The following TRABD2B variants were observed in gnomAD, a reference collection of about 807,000 sequenced individuals.
The protein encoded by TRABD2B is metalloprotease TIKI2.
In TRABD2B, 14 loss-of-function variants were observed where a neutral mutation model predicts 40.1. That is an observed-to-expected ratio of 0.35 (90% confidence interval 0.23 to 0.55). The LOEUF (loss-of-function observed/expected upper bound fraction) is 0.55, where lower values mean the gene tolerates loss of function less well. Ranked by LOEUF, TRABD2B falls within the 20% of genes least tolerant of loss-of-function variation. The pLI, the probability that TRABD2B is intolerant of heterozygous loss-of-function variation, is 0.90. For synonymous variants in TRABD2B, 263 were observed against 277.0 expected (o/e 0.95, Z 0.50); for missense variants, 541 against 648.6 (o/e 0.83, Z 1.80).
intron 2 of TRABD2B, among the ~76,000 whole-genome samples, chr1:47,896,866 T>C (rs1424720006): frequency 1.3e-5 from 2 of 152,138 alleles, no homozygotes; most frequent in South Asian, 2.1e-4. Flanking sequence ...CAAGATAGTG[T>C]CAGTAAAAGT....
chr1:47,775,541 A>C, intron 5 of TRABD2B, 102 bp from the exon 6 acceptor site: 1 of 1,169,798 alleles, frequency 8.5e-7, no homozygotes, highest in Non-Finnish European at 1.1e-6. Flanking sequence ...ATGGCAGGAG[A>C]AAGTGCCAGG....
chr1:47,985,121 G>A (rs1164559766), intron 2 of TRABD2B, among the ~76,000 whole-genome samples: 2 of 152,166 alleles, frequency 1.3e-5, no homozygotes, highest in African/African-American at 4.8e-5. Context: ...GAAAACTGAC[G>A]CACAGACAGC....
At chr1:47,909,656 A>G (rs1364061367) in intron 2 of TRABD2B, among the ~76,000 whole-genome samples, 1 of 149,716 alleles carries the variant, frequency 6.7e-6, no homozygotes, top group African/African-American at 2.5e-5. Flanking sequence ...ATGAGAACTC[A>G]CTCATTATCA....
chr1:47,920,966 G>A (rs978971408), intron 2 of TRABD2B, among the ~76,000 whole-genome samples: 14 of 152,176 alleles, frequency 9.2e-5, no homozygotes, highest in Admixed American at 3.3e-4. Context: ...GGACTATAGT[G>A]TTCCTTCTGC....
intron 2 of TRABD2B, among the ~76,000 whole-genome samples, chr1:47,928,844 C>T (rs1483183579): frequency 6.6e-6 from 1 of 152,226 alleles, no homozygotes; most frequent in Non-Finnish European, 1.5e-5. Flanking sequence ...TCTGGTCATC[C>T]TTCAAGGCCC....
rs989234880 is a variant in TRABD2B, at chr1:47,967,210, A to G, written c.666+26824T>C. The stretch of plus-strand genomic sequence containing the variant: ...CTGAAATTGCCTCCTGGAAGCTTTT[A>G]TTCACTAAGCAGGGCCATAAAAAAC... On this transcript the variant is annotated intron_variant, in intron 2 of 6. Transcript: ENST00000606738. Among the ~76,000 whole-genome samples, 7 of 152,224 alleles carry G rather than the reference A, an allele frequency of 4.6e-5. No homozygotes were observed. In the South Asian group the frequency reaches 1.5e-3, roughly 32 times the overall value.
chr1:47,881,942 T>C lies in TRABD2B; in HGVS notation c.667-80323A>G, dbSNP rs1007309717. 3.9e-5 allele frequency among the ~76,000 whole-genome samples: 6 copies of C among 152,242 alleles called. No individual in the cohort carries two copies. The South Asian group carries it at 1.0e-3, about 26-fold the overall frequency. ...TTCATCTGCACACCCCCATGAGGAG[T>C]TGGGCAGGGCTCAGAGCCACATCTG... On this transcript the variant is annotated intron_variant, in intron 2 of 6. Transcript: ENST00000606738.
At chr1:47,912,253 A>G (rs1644772880) in intron 2 of TRABD2B, among the ~76,000 whole-genome samples, 1 of 152,222 alleles carries the variant, frequency 6.6e-6, no homozygotes, top group Admixed American at 6.5e-5. Flanking sequence ...GTTTATTGCA[A>G]TTGAAGTAAT....
intron 2 of TRABD2B, among the ~76,000 whole-genome samples, chr1:47,942,942 T>C (rs762880323): frequency 2.0e-5 from 3 of 152,240 alleles, no homozygotes; most frequent in Non-Finnish European, 4.4e-5. Flanking sequence ...GTATTTTAGT[T>C]GTTACTGGAT....
chr1:47,965,502 G>A (rs1477041194), intron 2 of TRABD2B, among the ~76,000 whole-genome samples: 2 of 151,952 alleles, frequency 1.3e-5, no homozygotes, highest in African/African-American at 4.8e-5. Flanking sequence ...GGCAATATCT[G>A]ACTGCCCCTT....
Position 47,780,529 on chromosome 1 carries a change from C to T in TRABD2B, c.989-1985G>A, listed in dbSNP as rs531296312. 1.2e-4 allele frequency among the ~76,000 whole-genome samples: 18 copies of T among 152,122 alleles called. No homozygotes were observed. The South Asian group carries it at 2.9e-3, about 25-fold the overall frequency. On this transcript the variant is annotated intron_variant, in intron 4 of 6. Transcript: ENST00000606738. ...ACTTGAGAATGGGAATCCTGTAATC[C>T]GGGCACTAAGTATGATGGAGAGGGA...
At position 47,765,379 on chromosome 1, in the gene TRABD2B, T is replaced by C. The variant is rs928865573; in HGVS notation, c.*523A>G. 1.9e-5 allele frequency: 3 copies of C among 154,134 alleles called. No homozygotes were observed. Among genetic ancestry groups the C allele is most frequent in the African/African-American group, 4.8e-5 (2 of 41,472 alleles). The allele number at this position is 154,134 out of a possible 1,614,324, so 9.5% of individuals were successfully genotyped here. A position where few individuals can be genotyped will look rare whatever the true frequency, so the allele number is the denominator to read the frequency against. On this transcript the variant is annotated 3_prime_UTR_variant, in exon 7 of 7. Transcript: ENST00000606738. ...ATTATCTTCCCAGGCCGCGGGTGCA[T>C]CCAGCAGAGGGGAGGATGGCCAACG...
intron 2 of TRABD2B, among the ~76,000 whole-genome samples, chr1:47,960,043 G>A (rs1181625034): frequency 6.6e-6 from 1 of 152,220 alleles, no homozygotes; most frequent in African/African-American, 2.4e-5. Flanking sequence ...TCCCTAGGAT[G>A]CAAGGCTGGT....
chr1:47,970,984 C>T (rs956064301), intron 2 of TRABD2B, among the ~76,000 whole-genome samples: 14 of 152,184 alleles, frequency 9.2e-5, no homozygotes, highest in East Asian at 1.9e-4. Context: ...CAAGTGACAT[C>T]GTCAAACTCT....
chr1:47,978,448 A>G (rs1645791752), intron 2 of TRABD2B, among the ~76,000 whole-genome samples: 1 of 152,228 alleles, frequency 6.6e-6, no homozygotes, highest in Non-Finnish European at 1.5e-5. Flanking sequence ...AGCCCTCTGC[A>G]AAGCAAGGTG....
At chr1:47,956,555 T>C (rs1235511257) in intron 2 of TRABD2B, among the ~76,000 whole-genome samples, 3 of 152,196 alleles carry the variant, frequency 2.0e-5, no homozygotes, top group Non-Finnish European at 4.4e-5. Flanking sequence ...ACCAGGAGAT[T>C]ATATCCCATG....
chr1:47,941,277 T>C (rs1645184104), intron 2 of TRABD2B, among the ~76,000 whole-genome samples: 1 of 152,064 alleles, frequency 6.6e-6, no homozygotes, highest in Non-Finnish European at 1.5e-5. Flanking sequence ...CTGTGTCTCA[T>C]TACCCTCCCC....
chr1:47,935,137 A>G (rs945878601), intron 2 of TRABD2B, among the ~76,000 whole-genome samples: 1 of 152,128 alleles, frequency 6.6e-6, no homozygotes, highest in African/African-American at 2.4e-5. Context: ...AGCATGGCAC[A>G]CCATAATCAT....
chr1:47,972,540 C>G (rs986205058), intron 2 of TRABD2B, among the ~76,000 whole-genome samples: 15 of 150,852 alleles, frequency 9.9e-5, no homozygotes, highest in African/African-American at 3.4e-4. Flanking sequence ...CTCTTTCCAC[C>G]ACATGAGGAC....
Sources: gnomAD v4.1 joint callset for allele counts (sites outside exome capture counted in the v4.1 genomes callset) on GRCh38, gnomAD v4.1.1 for gene constraint, MANE v1.5 for transcripts, NCBI Gene and HGNC (gene_info 2026-07-23, HGNC 2026-07-21) for gene names.